Variants in RNASE10 observed in about 807,000 individuals in gnomAD.
RNASE10 encodes the protein ribonuclease A family member 10 (inactive).
A neutral mutation model predicts 1.1 loss-of-function variants in RNASE10; 2 were observed. That is an observed-to-expected ratio of 1.82 (90% CI 0.74 to 5.73). The LOEUF is 5.73. Among genes scored for constraint, RNASE10 ranks in the 30% most tolerant of loss-of-function variants. RNASE10 has a pLI of 0.05. For missense variants in RNASE10, 276 were observed against 263.4 expected (o/e 1.05, Z -0.33); for synonymous variants, 97 against 96.2 (o/e 1.01, Z -0.05).
intron 1 of RNASE10, among the ~76,000 whole-genome samples, chr14:20,507,094 G>GCC (rs1882760628): frequency 6.8e-6 from 1 of 147,578 alleles, no homozygotes; most frequent in Admixed American, 6.7e-5. Flanking sequence ...TGCCCGGCCA[G>GCC]GACCCCGTCT....
At chr14:20,507,723 C>T (rs1217085818) in intron 1 of RNASE10, among the ~76,000 whole-genome samples, 3 of 122,378 alleles carry the variant, frequency 2.5e-5, no homozygotes, top group Admixed American at 8.4e-5. Context: ...TTTTAAACTT[C>T]CCTTATTTAT....
At position 20,510,582 on chromosome 14, in the gene RNASE10, TG is replaced by T. The variant is rs770316837; in HGVS notation, c.196del (p.Asp66IlefsTer85). 6 of 1,613,660 alleles carry T rather than the reference TG, an allele frequency of 3.7e-6. No individual in the cohort carries two copies. The East Asian group carries it at 1.1e-4, about 30-fold the overall frequency. On this transcript the variant is annotated frameshift_variant, in exon 2 of 2. Transcript: ENST00000430083. LOFTEE classifies it low-confidence loss of function (END_TRUNC). ...TGGCTACAGCAGTCTTGGAGGAGAG[TG>T]ATCAACCGCTCAATGAATTTTGGTC...
At chr14:20,512,949 C>T (rs148289808), downstream of RNASE10, among the ~76,000 whole-genome samples, 153 of 152,208 alleles carry the variant, frequency 1.0e-3, 1 homozygote, top group African/African-American at 3.4e-3. Flanking sequence ...AAATCGGCCA[C>T]GTTAGCAATC....
At chr14:20,509,878 A>T (rs1363854383) in intron 1 of RNASE10, among the ~76,000 whole-genome samples, 1 of 149,398 alleles carries the variant, frequency 6.7e-6, no homozygotes, top group Non-Finnish European at 1.5e-5. Context: ...TAATCCCAGC[A>T]CTTTGGCCAA....
chr14:20,506,186 G>GA (rs1555335564), intron 1 of RNASE10, among the ~76,000 whole-genome samples, 167 bp downstream of exon 1: 2 of 139,848 alleles, frequency 1.4e-5, no homozygotes, highest in African/African-American at 2.7e-5. Flanking sequence ...GGGAGGTGGG[G>GA]GGGGGTCAGC....
At chr14:20,507,626 A>AAC (rs1555335716) in intron 1 of RNASE10, among the ~76,000 whole-genome samples, 1 of 77,320 alleles carries the variant, frequency 1.3e-5, no homozygotes, top group Non-Finnish European at 3.2e-5. Flanking sequence ...AAATAAATAA[A>AAC]TAAATAAATA....
chr14:20,510,775 C>G (rs753065932), exon 2 of RNASE10: 4 of 1,614,212 alleles, frequency 2.5e-6, no homozygotes, highest in Admixed American at 1.7e-5. Flanking sequence ...AGCCTCAGCT[C>G]TCTTTCAGAG....
rs1464964372 is a variant in RNASE10 at position 20,505,772 on chromosome 14, C to T, written c.-169C>T. 2.8e-5 allele frequency: 3 copies of T among 106,468 alleles called. 1 individual carries two copies. Among genetic ancestry groups the T allele is most frequent in the Non-Finnish European group, 3.3e-5 (2 of 60,244 alleles). 6.6% of individuals were successfully genotyped at this position (106,468 alleles called of 1,614,324 possible). ...AGTGAGGAGCGTCTCTGCCTGGCCG[C>T]CCATCGTCTGGGATACGAGGAGCCT... On this transcript the variant is annotated 5_prime_UTR_variant, in exon 1 of 2. Transcript: ENST00000430083.
downstream of RNASE10, chr14:20,511,242 A>T: frequency 1.3e-6 from 1 of 788,684 alleles, no homozygotes; most frequent in Non-Finnish European, 1.8e-6. Context: ...TCCTTGCCCT[A>T]TGGGTCACCC....
intron 1 of RNASE10, among the ~76,000 whole-genome samples, chr14:20,508,001 C>T (rs1487061364): frequency 1.3e-5 from 2 of 152,124 alleles, no homozygotes; most frequent in African/African-American, 2.4e-5. Context: ...CCACCTGCCT[C>T]GGTCTCCCAA....
At chr14:20,507,746 T>G (rs1209022375) in intron 1 of RNASE10, among the ~76,000 whole-genome samples, 2 of 151,376 alleles carry the variant, frequency 1.3e-5, no homozygotes, top group African/African-American at 4.9e-5. Context: ...ATTTATTTAT[T>G]TATTTATTTA....
chr14:20,511,198 C>T (rs982183839), downstream of RNASE10: 1 of 1,169,952 alleles, frequency 8.5e-7, no homozygotes, highest in African/African-American at 1.6e-5. Flanking sequence ...TCATATAGTT[C>T]TCCTGATCTT....
At chr14:20,508,126 C>T (rs370610129) in intron 1 of RNASE10, among the ~76,000 whole-genome samples, 7 of 152,038 alleles carry the variant, frequency 4.6e-5, no homozygotes, top group Non-Finnish European at 1.0e-4. Context: ...ATCTATATTC[C>T]GAAGCATTTG....
At chr14:20,507,995 C>T (rs1217315289) in intron 1 of RNASE10, among the ~76,000 whole-genome samples, 1 of 152,158 alleles carries the variant, frequency 6.6e-6, no homozygotes, top group Non-Finnish European at 1.5e-5. Flanking sequence ...AGTGATCCAC[C>T]TGCCTCGGTC....
chr14:20,513,767 A>G (rs2139374979), downstream of RNASE10, among the ~76,000 whole-genome samples: 1 of 152,332 alleles, frequency 6.6e-6, no homozygotes, highest in South Asian at 2.1e-4. Flanking sequence ...AGTGCTTTTT[A>G]AAATCTGAAA....
intron 1 of RNASE10, among the ~76,000 whole-genome samples, chr14:20,508,862 A>C (rs1380910706): frequency 6.6e-6 from 1 of 152,192 alleles, no homozygotes; most frequent in African/African-American, 2.4e-5. Flanking sequence ...GGCCTTAGAC[A>C]TTCACTGGGG....
intron 1 of RNASE10, among the ~76,000 whole-genome samples, chr14:20,508,688 G>A (rs1242511144): frequency 6.6e-6 from 1 of 152,012 alleles, no homozygotes; most frequent in African/African-American, 2.4e-5. Flanking sequence ...AAAACATGCT[G>A]CAATTGGTAA....
chr14:20,505,154 A>G (rs1017632428), upstream of RNASE10, among the ~76,000 whole-genome samples: 2 of 151,532 alleles, frequency 1.3e-5, no homozygotes, highest in African/African-American at 4.9e-5. Context: ...CTCCAGTGCC[A>G]GACAAGAAAA....
chr14:20,513,315 A>G (rs1347432383), downstream of RNASE10, among the ~76,000 whole-genome samples: 3 of 152,164 alleles, frequency 2.0e-5, no homozygotes, highest in Admixed American at 2.0e-4. Context: ...CTCAAGCAGG[A>G]AAATATAGCT....
Sources: gnomAD v4.1 joint callset for allele counts (sites outside exome capture counted in the v4.1 genomes callset) on GRCh38, gnomAD v4.1.1 for gene constraint, MANE v1.5 for transcripts, NCBI Gene and HGNC (gene_info 2026-07-23, HGNC 2026-07-21) for gene names.